Variants in SPATA16 observed in about 807,000 individuals in gnomAD.
SPATA16 encodes spermatogenesis-associated protein 16.
In SPATA16, 36 loss-of-function variants were observed where a neutral mutation model predicts 63.3. The ratio of observed to expected loss-of-function variants is 0.57; its 90% confidence interval spans 0.44 to 0.75. The LOEUF is 0.75. Among genes scored for constraint, SPATA16 ranks in the 30% least tolerant of loss-of-function variants. The pLI is 0.00. For missense variants in SPATA16, 646 were observed against 679.3 expected, an observed-to-expected ratio of 0.95 and a Z score of 0.54; for synonymous variants, 203 against 216.7, an observed-to-expected ratio of 0.94 and a Z score of 0.56.
chr3:173,051,424 G>A (rs191693292), intron 2 of SPATA16, among the ~76,000 whole-genome samples: 9 of 152,150 alleles, frequency 5.9e-5, no homozygotes, highest in Non-Finnish European at 1.0e-4. Flanking sequence ...GGATGACCTC[G>A]GTCTTCTGAC....
At chr3:172,991,888 GT>G (rs1734585823) in intron 4 of SPATA16, among the ~76,000 whole-genome samples, 1 of 152,132 alleles carries the variant, frequency 6.6e-6, no homozygotes, top group African/African-American at 2.4e-5. Flanking sequence ...AAAGCAAACA[GT>G]TTTTTATTTA....
intron 6 of SPATA16, among the ~76,000 whole-genome samples, chr3:172,944,683 G>C (rs7427854): frequency 0.39 from 58,848 of 152,002 alleles, 11,672 homozygotes; most frequent in Admixed American, 0.44. Flanking sequence ...ATCTGACATT[G>C]GCTACAATAT....
At chr3:173,010,006 A>AT (rs1478608116) in intron 4 of SPATA16, among the ~76,000 whole-genome samples, 1 of 152,086 alleles carries the variant, frequency 6.6e-6, no homozygotes, top group Non-Finnish European at 1.5e-5. Context: ...GAGTAGGCCC[A>AT]TGACCAGTCT....
At chr3:172,924,876 C>T (rs1021913653) in intron 7 of SPATA16, among the ~76,000 whole-genome samples, 13 of 152,270 alleles carry the variant, frequency 8.5e-5, no homozygotes, top group Middle Eastern at 3.4e-3. Context: ...AGTTTCGACT[C>T]GGATTACTGA....
At chr3:173,085,680 G>A (rs554188235) in intron 2 of SPATA16, among the ~76,000 whole-genome samples, 1 of 151,996 alleles carries the variant, frequency 6.6e-6, no homozygotes, top group Non-Finnish European at 1.5e-5. Flanking sequence ...ATTATTTGAG[G>A]TATGTTCCTT....
rs1172250221 is a variant in SPATA16, at chr3:173,117,158, AT to A, written c.573del (p.Lys191AsnfsTer33). 8 of 1,613,964 alleles carry A rather than the reference AT, an allele frequency of 5.0e-6. No individual in the cohort carries two copies. The African/African-American group carries it at 1.1e-4, about 22-fold the overall frequency. On this transcript the variant is annotated frameshift_variant, in exon 2 of 11. Coordinates refer to ENST00000351008, the MANE Select transcript of SPATA16 (RefSeq NM_031955.6). LOFTEE classifies it high-confidence loss of function. ...KDASSCYRQK[K>X]YALAAGQFRT... The stretch of plus-strand genomic sequence containing the variant: ...CTGAACTGTCCTGCTGCCAAGGCGT[AT>A]TTCTTTTGTCTATAGCAAGAGCTGG...
chr3:172,937,610 T>A (rs1021617938), intron 6 of SPATA16, among the ~76,000 whole-genome samples: 1 of 152,122 alleles, frequency 6.6e-6, no homozygotes, highest in East Asian at 1.9e-4. Flanking sequence ...ACCTTTAAGA[T>A]CTCTGATTAC....
At chr3:172,990,718 T>C (rs1481710588) in intron 4 of SPATA16, among the ~76,000 whole-genome samples, 1 of 152,170 alleles carries the variant, frequency 6.6e-6, no homozygotes, top group African/African-American at 2.4e-5. Context: ...TGGAATAAAG[T>C]GTTATGCTCT....
chr3:173,100,205 G>A (rs183229454), intron 2 of SPATA16, among the ~76,000 whole-genome samples: 2 of 152,254 alleles, frequency 1.3e-5, no homozygotes, highest in East Asian at 3.9e-4. Context: ...GTCTCCTGTT[G>A]CCTCAAATAT....
At chr3:173,135,137 A>T (rs1440090059) in intron 1 of SPATA16, among the ~76,000 whole-genome samples, 1 of 152,242 alleles carries the variant, frequency 6.6e-6, no homozygotes, top group Non-Finnish European at 1.5e-5. Context: ...CCAGTAGAGA[A>T]GTGGGCTAAA....
At chr3:172,925,285 T>C in intron 7 of SPATA16, 61 bp downstream of exon 7, 2 of 1,591,878 alleles carry the variant, frequency 1.3e-6, no homozygotes, top group Non-Finnish European at 1.7e-6. Context: ...AAACATTTTT[T>C]GGGGCCCAAA....
chr3:173,000,951 A>G (rs1286484163), intron 4 of SPATA16, among the ~76,000 whole-genome samples: 1 of 152,010 alleles, frequency 6.6e-6, no homozygotes, highest in Non-Finnish European at 1.5e-5. Flanking sequence ...TCCTTTTCCC[A>G]TTAAAGCCCT....
At chr3:173,121,568 A>G (rs73880451) in intron 1 of SPATA16, among the ~76,000 whole-genome samples, 4,107 of 152,212 alleles carry the variant, frequency 0.027, 197 homozygotes, top group African/African-American at 0.094. Flanking sequence ...TTATATCGCA[A>G]TTATTCCTGA....
At chr3:173,136,675 G>A (rs900525866) in intron 1 of SPATA16, among the ~76,000 whole-genome samples, 1 of 152,156 alleles carries the variant, frequency 6.6e-6, no homozygotes. Flanking sequence ...GAGGAATAAA[G>A]CCTCTGTGCT....
chr3:173,036,695 T>C (rs1383126675), intron 3 of SPATA16, among the ~76,000 whole-genome samples: 1 of 152,008 alleles, frequency 6.6e-6, no homozygotes, highest in Admixed American at 6.6e-5. Context: ...TATCTTTCAT[T>C]TTCTAGCTGC....
intron 7 of SPATA16, among the ~76,000 whole-genome samples, chr3:172,924,902 A>G (rs1310617437): frequency 6.6e-6 from 1 of 152,210 alleles, no homozygotes; most frequent in Non-Finnish European, 1.5e-5. Context: ...ATTTAACTGT[A>G]ATACTCTCCA....
At chr3:173,054,750 T>C (rs10936740) in intron 2 of SPATA16, among the ~76,000 whole-genome samples, 8,180 of 152,172 alleles carry the variant, frequency 0.054, 267 homozygotes, top group Middle Eastern at 0.11. Flanking sequence ...ATCCTTTTTT[T>C]TTAAGAATAA....
intron 2 of SPATA16, among the ~76,000 whole-genome samples, chr3:173,092,550 G>A (rs1477967735): frequency 6.6e-6 from 1 of 152,146 alleles, no homozygotes; most frequent in Non-Finnish European, 1.5e-5. Context: ...AAGAGTCAGT[G>A]TCAAACTGGC....
intron 3 of SPATA16, among the ~76,000 whole-genome samples, chr3:173,028,680 C>G (rs1341597851): frequency 2.0e-5 from 3 of 151,924 alleles, no homozygotes; most frequent in Non-Finnish European, 4.4e-5. Context: ...ATTTTAACTG[C>G]AAGCTAAATG....
Sources: gnomAD v4.1 joint callset for allele counts (sites outside exome capture counted in the v4.1 genomes callset) on GRCh38, gnomAD v4.1.1 for gene constraint, MANE v1.5 for transcripts, NCBI Gene and HGNC (gene_info 2026-07-23, HGNC 2026-07-21) for gene names.